MAP2: variants seen among roughly 807,000 people sequenced by gnomAD.
MAP2 encodes the protein microtubule associated protein 2.
MAP2 carries 14 observed loss-of-function variants against 137.6 expected under a neutral mutation model. The observed-to-expected ratio is 0.10, with a 90% CI of 0.07 to 0.16. MAP2 has a LOEUF of 0.16. Ranked by LOEUF, MAP2 falls within the 10% of genes least tolerant of loss-of-function variation. The pLI is 1.00. For synonymous variants in MAP2, 786 were observed against 782.3 expected (o/e 1.00, Z -0.08); for missense variants, 2,088 against 2,191.5 (o/e 0.95, Z 0.94).
chr2:209,728,850 A>G (rs2075074056), intron 14 of MAP2, among the ~76,000 whole-genome samples: 1 of 147,478 alleles, frequency 6.8e-6, no homozygotes, highest in Non-Finnish European at 1.5e-5. Flanking sequence ...GACCTACGTT[A>G]CCGCTTCTTT....
At position 209,632,632 on chromosome 2, in the gene MAP2, G is replaced by A. The variant is rs74867483; in HGVS notation, c.-30+7503G>A. On this transcript the variant is annotated intron_variant, in intron 4 of 15. Coordinates refer to ENST00000682079, the MANE Select transcript of MAP2 (RefSeq NM_001375505.1). ...GCCATGCCCATCCAGATATGCTGTCGTCAGTCATCACAAACACACATGTCC... is the reference window on the plus strand; with the variant it reads ...GCCATGCCCATCCAGATATGCTGTCATCAGTCATCACAAACACACATGTCC... 7.3e-3 allele frequency among the ~76,000 whole-genome samples: 1,116 copies of A among 152,206 alleles called. 5 individuals are homozygous for A. The highest frequency in any genetic ancestry group is 0.011 in the Non-Finnish European group (759 of 67,984).
At chr2:209,455,523 G>T (rs1701332191) in intron 1 of MAP2, among the ~76,000 whole-genome samples, 1 of 152,138 alleles carries the variant, frequency 6.6e-6, no homozygotes, top group Non-Finnish European at 1.5e-5. Flanking sequence ...ATCATCCCTT[G>T]TAATGATCCT....
intron 2 of MAP2, among the ~76,000 whole-genome samples, chr2:209,556,804 T>G (rs974298796): frequency 6.6e-6 from 1 of 152,100 alleles, no homozygotes; most frequent in Non-Finnish European, 1.5e-5. Context: ...ACCTACGTTG[T>G]AAAAAAATTT....
At chr2:209,685,262 T>C (rs1015925130) in intron 7 of MAP2, among the ~76,000 whole-genome samples, 13 of 152,304 alleles carry the variant, frequency 8.5e-5, no homozygotes, top group African/African-American at 2.2e-4. Flanking sequence ...CAAGCTACTA[T>C]ACTAATTTCC....
intron 7 of MAP2, among the ~76,000 whole-genome samples, chr2:209,681,692 A>G (rs1474310342): frequency 2.0e-5 from 3 of 152,152 alleles, no homozygotes; most frequent in Admixed American, 6.5e-5. Flanking sequence ...CAGAATTTTA[A>G]AAGTGTTTAT....
intron 2 of MAP2, among the ~76,000 whole-genome samples, chr2:209,524,729 C>A (rs2063769205): frequency 6.6e-6 from 1 of 152,118 alleles, no homozygotes; most frequent in African/African-American, 2.4e-5. Context: ...GTCTTTCTGT[C>A]TTGCCTGAAC....
At chr2:209,608,536 A>G (rs191676269) in intron 3 of MAP2, among the ~76,000 whole-genome samples, 144 of 152,102 alleles carry the variant, frequency 9.5e-4, no homozygotes, top group Non-Finnish European at 1.4e-3. Context: ...GCAATATTGA[A>G]TTGTATTGTT....
At chr2:209,598,076 G>C (rs552941574) in intron 3 of MAP2, among the ~76,000 whole-genome samples, 1 of 151,974 alleles carries the variant, frequency 6.6e-6, no homozygotes, top group Non-Finnish European at 1.5e-5. Context: ...CGCAACCTTG[G>C]CTCACTGCAA....
chr2:209,692,492 G>A, intron 7 of MAP2, 133 bp from the exon 8 acceptor site: 3 of 904,658 alleles, frequency 3.3e-6, no homozygotes, highest in Non-Finnish European at 4.8e-6. Flanking sequence ...TTTTACATGG[G>A]TAGCATGCTT....
chr2:209,549,905 T>A (rs2068827306), intron 2 of MAP2, among the ~76,000 whole-genome samples: 1 of 152,226 alleles, frequency 6.6e-6, no homozygotes, highest in South Asian at 2.1e-4. Flanking sequence ...CTCTGGGAAC[T>A]ATAAGTTTAC....
At chr2:209,462,964 T>G (rs1273616263) in intron 1 of MAP2, among the ~76,000 whole-genome samples, 1 of 152,150 alleles carries the variant, frequency 6.6e-6, no homozygotes, top group Non-Finnish European at 1.5e-5. Flanking sequence ...CCTGCTCTTC[T>G]GTCAACTCCC....
intron 1 of MAP2, among the ~76,000 whole-genome samples, chr2:209,445,378 A>T (rs1404804492): frequency 6.6e-6 from 1 of 151,724 alleles, no homozygotes; most frequent in Non-Finnish European, 1.5e-5. Context: ...AAGCTACATT[A>T]TAATTATTAT....
chr2:209,706,600 A>G (rs1371552638), intron 12 of MAP2, among the ~76,000 whole-genome samples: 1 of 151,918 alleles, frequency 6.6e-6, no homozygotes, highest in African/African-American at 2.4e-5. Flanking sequence ...TTTTCAGCCT[A>G]CTGATAACTT....
At chr2:209,533,540 A>T (rs1316354657) in intron 2 of MAP2, among the ~76,000 whole-genome samples, 1 of 152,238 alleles carries the variant, frequency 6.6e-6, no homozygotes, top group Non-Finnish European at 1.5e-5. Flanking sequence ...AGATCCCGTG[A>T]TTCTACATCC....
chr2:209,480,043 A>G (rs1385418426), intron 1 of MAP2, among the ~76,000 whole-genome samples: 15 of 152,140 alleles, frequency 9.9e-5, no homozygotes. Context: ...ATTTTTCACA[A>G]TTTTCCTCAT....
intron 3 of MAP2, among the ~76,000 whole-genome samples, chr2:209,582,063 A>AT (rs1400363703): frequency 6.6e-6 from 1 of 151,998 alleles, no homozygotes; most frequent in East Asian, 1.9e-4. Context: ...GATTTCACTC[A>AT]TTTTTTTCAC....
rs374108590 is a variant in MAP2 at position 209,692,919 on chromosome 2, T to C, written c.749T>C (p.Ile250Thr). Reference sequence around the variant, plus strand: ...GAACCAAGCCTTGTAGTACCTGGCATTGACCTCCCTAAAGAGCCTCCAACT... The same window carrying C: ...GAACCAAGCCTTGTAGTACCTGGCACTGACCTCCCTAAAGAGCCTCCAACT... Reference protein sequence around the residue: ...KTEPSLVVPGIDLPKEPPTPK... With the variant: ...KTEPSLVVPGTDLPKEPPTPK... The change falls in exon 8 of 16, where the codon ATT (isoleucine) becomes ACT (threonine). Residue 250 changes from isoleucine (I) to threonine (T), a missense_variant. Ile to Thr is a moderately conservative substitution (Grantham distance 89, BLOSUM62 -1). This residue lies in a region of MAP2 where 859 missense variants were observed against 794.5 expected (regional missense o/e 1.08). Transcript: ENST00000682079. 2.4e-5 allele frequency: 39 copies of C among 1,614,110 alleles called. No homozygotes were observed. Among genetic ancestry groups the C allele is most frequent in the Middle Eastern group, 1.6e-4 (1 of 6,062 alleles).
At chr2:209,592,493 A>G (rs1048149939) in intron 3 of MAP2, among the ~76,000 whole-genome samples, 1 of 152,174 alleles carries the variant, frequency 6.6e-6, no homozygotes, top group Non-Finnish European at 1.5e-5. Flanking sequence ...TCACTAATAA[A>G]TCTGAGTCCT....
intron 7 of MAP2, chr2:209,690,928 G>A (rs1328361343): frequency 1.3e-5 from 15 of 1,148,242 alleles, no homozygotes; most frequent in African/African-American, 4.9e-5. Context: ...CCTTTCCAAC[G>A]CTATTTCGCT....
Sources: allele counts gnomAD v4.1 joint callset (sites outside exome capture counted in the v4.1 genomes callset), GRCh38; gene constraint gnomAD v4.1.1; regional missense constraint gnomAD v4.1.1; transcripts MANE v1.5; gene names NCBI Gene and HGNC (gene_info 2026-07-23, HGNC 2026-07-21).